The following COL6A5 variants were observed in gnomAD, a reference collection of about 807,000 sequenced individuals.
The protein encoded by COL6A5 is collagen type VI alpha 5 chain, also known as collagen alpha-5(VI) chain.
Under a neutral mutation model 65.6 loss-of-function variants are expected in COL6A5, and 48 were observed. The observed-to-expected ratio is 0.73, with a 90% CI of 0.58 to 0.93. COL6A5 has a LOEUF of 0.93. COL6A5 is among the 40% of genes least tolerant of loss of function. The pLI, the probability that COL6A5 is intolerant of heterozygous loss-of-function variation, is 0.00. For missense variants in COL6A5, 914 were observed against 928.3 expected (o/e 0.98, Z 0.20); for synonymous variants, 291 against 322.8 (o/e 0.90, Z 1.05).
chr3:130,391,990 G>A (rs772759915), intron 7 of COL6A5, among the ~76,000 whole-genome samples: 31 of 152,092 alleles, frequency 2.0e-4, no homozygotes, highest in Non-Finnish European at 3.4e-4. Flanking sequence ...GATGCATTCC[G>A]TGGCATTTTA....
intron 1 of COL6A5, among the ~76,000 whole-genome samples, chr3:130,351,613 T>C (rs1042037335): frequency 1.8e-4 from 28 of 152,152 alleles, no homozygotes; most frequent in Non-Finnish European, 3.7e-4. Flanking sequence ...TGAGATACCA[T>C]CTCACGCCAG....
At chr3:130,407,655 A>G (rs1485819116) in intron 17 of COL6A5, among the ~76,000 whole-genome samples, 8 of 152,206 alleles carry the variant, frequency 5.3e-5, no homozygotes, top group African/African-American at 1.9e-4. Flanking sequence ...ACCTACCTCC[A>G]TTCTGCACCT....
exon 7 of COL6A5, chr3:130,391,446 A>T: frequency 6.4e-7 from 1 of 1,551,728 alleles, no homozygotes; most frequent in Non-Finnish European, 8.7e-7. Flanking sequence ...TACACTGCCA[A>T]GGCTCTCAAG....
At chr3:130,351,941 A>G (rs1039185609) in intron 1 of COL6A5, among the ~76,000 whole-genome samples, 1 of 152,198 alleles carries the variant, frequency 6.6e-6, no homozygotes, top group African/African-American at 2.4e-5. Flanking sequence ...GATAAAGAAA[A>G]TGTGGCACAT....
At chr3:130,445,018 G>T (rs1709274502) in intron 4 of COL6A5, among the ~76,000 whole-genome samples, 1 of 152,174 alleles carries the variant, frequency 6.6e-6, no homozygotes, top group South Asian at 2.1e-4. Context: ...CCAAATAACA[G>T]ACTGTCTTAA....
upstream of COL6A5, among the ~76,000 whole-genome samples, chr3:130,430,111 A>C (rs1346814426): frequency 6.6e-6 from 1 of 152,262 alleles, no homozygotes; most frequent in South Asian, 2.1e-4. Context: ...GCCAGTGGCT[A>C]TGTCAATTTC....
intron 7 of COL6A5, among the ~76,000 whole-genome samples, chr3:130,482,851 A>AT (rs1189639442): frequency 3.3e-5 from 5 of 152,024 alleles, no homozygotes; most frequent in African/African-American, 1.2e-4. Context: ...CTGCTTGCCT[A>AT]TTGTTGGTGT....
chr3:130,449,458 G>A (rs1023965586), intron 4 of COL6A5, among the ~76,000 whole-genome samples: 2 of 152,142 alleles, frequency 1.3e-5, no homozygotes, highest in Admixed American at 6.6e-5. Flanking sequence ...GCTGAATTGT[G>A]CCCTTTTGAC....
At position 130,471,716 on chromosome 3, in the gene COL6A5, A is replaced by G. The variant is rs949228407; in HGVS notation, c.2328+749A>G. 19 of 1,534,642 alleles carry G rather than the reference A, an allele frequency of 1.2e-5. No individual in the cohort carries two copies. The African/African-American group carries it at 2.5e-4, about 20-fold the overall frequency. Reference sequence around the variant, plus strand: ...TGGGATATATGAAATAAAGACAGAAAATGGTGATCTGTTTGATGAATTTGA... The same window carrying G: ...TGGGATATATGAAATAAAGACAGAAGATGGTGATCTGTTTGATGAATTTGA... On this transcript the variant is annotated intron_variant, in intron 7 of 7. Coordinates refer to ENST00000512836, the Ensembl canonical transcript of COL6A5.
intron 7 of COL6A5, among the ~76,000 whole-genome samples, chr3:130,475,007 C>CAAA (rs57263258): frequency 1.5e-3 from 95 of 65,018 alleles, no homozygotes; most frequent in African/African-American, 3.6e-3. Flanking sequence ...ACCATGTCTC[C>CAAA]AAAAAAAAAA....
chr3:130,376,644 A>G, exon 3 of COL6A5: 1 of 1,612,920 alleles, frequency 6.2e-7, no homozygotes, highest in African/African-American at 1.3e-5. Flanking sequence ...AGCCCTGCAG[A>G]AAGACGGGGT....
At position 130,365,045 on chromosome 3, in the gene COL6A5, T is replaced by A. The variant is rs914116300; in HGVS notation, c.-28-8566T>A. Among the ~76,000 whole-genome samples, 15 of 152,328 alleles carry A rather than the reference T, an allele frequency of 9.8e-5. 1 individual carries two copies. The highest frequency in any genetic ancestry group is 3.4e-3 in the Middle Eastern group (1 of 294). On this transcript the variant is annotated intron_variant and NMD_transcript_variant, in intron 1 of 41. Transcript: ENST00000312481. ...GATTCTTCTTCATGGTGGCAAAACC[T>A]GTATACTGGCTGATTCTCTCTGACT...
At chr3:130,398,675 G>A (rs1030800568) in intron 10 of COL6A5, among the ~76,000 whole-genome samples, 2 of 152,168 alleles carry the variant, frequency 1.3e-5, no homozygotes, top group East Asian at 1.9e-4. Flanking sequence ...GTACCTGGAC[G>A]TGCTTGGAAT....
Position 130,406,265 on chromosome 3 carries a change from T to C in COL6A5, c.4426-3T>C. On this transcript the variant is annotated splice_region_variant and splice_polypyrimidine_tract_variant and intron_variant and NMD_transcript_variant, in intron 16 of 41. Transcript: ENST00000312481. ...GAATTTTGTTTTTCTTGTCTTCTTT[T>C]AGGGCTGTCATGGATTTCCTGGAAT... is the stretch of plus-strand genomic sequence containing the variant. 1 of 1,550,878 alleles carries C rather than the reference T, an allele frequency of 6.4e-7. No individual in the cohort carries two copies. Among genetic ancestry groups the C allele is most frequent in the East Asian group, 2.4e-5 (1 of 40,900 alleles).
chr3:130,389,902 A>C (rs1936333454), intron 6 of COL6A5, among the ~76,000 whole-genome samples: 1 of 152,220 alleles, frequency 6.6e-6, no homozygotes, highest in South Asian at 2.1e-4. Context: ...ACAACTAAGA[A>C]AACAAACCCA....
exon 6 of COL6A5, chr3:130,469,139 C>G: frequency 6.2e-7 from 1 of 1,613,058 alleles, no homozygotes; most frequent in Non-Finnish European, 8.5e-7. Context: ...AGACTCTCAA[C>G]AGCTCAATGG....
intron 4 of COL6A5, 93 bp from the exon 37 acceptor site, chr3:130,455,362 G>T (rs1709546723): frequency 1.4e-6 from 1 of 711,042 alleles, no homozygotes; most frequent in Non-Finnish European, 2.4e-6. Context: ...GGTTTTTTAA[G>T]GAGATAATTA....
chr3:130,409,434 A>G (rs1486965978), intron 18 of COL6A5, 46 bp downstream of exon 18: 2 of 1,459,564 alleles, frequency 1.4e-6, no homozygotes, highest in Non-Finnish European at 9.3e-7. Context: ...TACTTGCTCC[A>G]CAGTTCCTAT....
chr3:130,399,139 A>G (rs1936718655), intron 10 of COL6A5, among the ~76,000 whole-genome samples: 1 of 152,228 alleles, frequency 6.6e-6, no homozygotes, highest in African/African-American at 2.4e-5. Context: ...GCATTGTTTA[A>G]GAATTCCTTG....
Sources: gnomAD v4.1 joint callset for allele counts (sites outside exome capture counted in the v4.1 genomes callset) on GRCh38, gnomAD v4.1.1 for gene constraint, MANE v1.5 for transcripts, NCBI Gene and HGNC (gene_info 2026-07-23, HGNC 2026-07-21) for gene names.